SIGLEC5: variants seen among roughly 807,000 people sequenced by gnomAD.
The protein encoded by SIGLEC5 is sialic acid binding Ig like lectin 5, also known as sialic acid-binding Ig-like lectin 5.
A neutral mutation model predicts 45.9 loss-of-function variants in SIGLEC5; 34 were observed. That is an observed-to-expected ratio of 0.74 (90% CI 0.56 to 0.99). The LOEUF is 0.99. Ranked by LOEUF, SIGLEC5 falls within the 50% of genes least tolerant of loss-of-function variation. SIGLEC5 has a pLI of 0.00. For missense variants in SIGLEC5, 508 were observed against 629.6 expected (o/e 0.81, Z 2.07); for synonymous variants, 203 against 258.6 (o/e 0.79, Z 2.06).
At position 51,612,386 on chromosome 19, in the gene SIGLEC5, C is replaced by A; in HGVS notation, c.1501G>T (p.Asp501Tyr). Residue 501 changes from aspartate (D) to tyrosine (Y), a missense_variant, in exon 9 of 9, where the codon GAT becomes TAT. Coordinates refer to ENST00000683636, the MANE Select transcript of SIGLEC5 (RefSeq NM_003830.4). ...GCATCCCCAGGAGGAGATGCTTGAT[C>A]TCCGGGGCTGTCTGGCCAGGGCTTC... Reference protein sequence around the residue: ...RKKPWPDSPGDQASPPGDAPP... With the variant: ...RKKPWPDSPGYQASPPGDAPP... 1.9e-6 allele frequency: 3 copies of A among 1,613,048 alleles called. No individual in the cohort carries two copies. Among genetic ancestry groups the A allele is most frequent in the Non-Finnish European group, 2.5e-6 (3 of 1,179,540 alleles).
In SIGLEC5 at chr19:51,629,366, T is replaced by C. The variant is rs376678374; in HGVS notation, c.692A>G (p.Asn231Ser). The C allele has an allele frequency of 3.2e-5, 51 of 1,612,914 alleles. No homozygotes were observed. In the Admixed American group the frequency reaches 3.7e-4, roughly 12 times the overall value. Residue 231 changes from asparagine (N) to serine (S), a missense_variant, in exon 3 of 9, where the codon AAT becomes AGT. This residue lies in a region of SIGLEC5 where 431 missense variants were observed against 428.8 expected (regional missense o/e 1.01). Coordinates refer to ENST00000683636, the MANE Select transcript of SIGLEC5 (RefSeq NM_003830.4). ...TCCCCAGCACCACTCACAGGAGACATTGAGCTGGACAGTTCTCTCCGTGGT... is the reference window on the plus strand; with the variant it reads ...TCCCCAGCACCACTCACAGGAGACACTGAGCTGGACAGTTCTCTCCGTGGT... ...QVTTERTVQL[N>S]VSYAPQTITI... is the part of the protein sequence containing the mutation.
intron 7 of SIGLEC5, among the ~76,000 whole-genome samples, 164 bp downstream of exon 7, chr19:51,626,985 G>C (rs1983504656): frequency 6.6e-6 from 1 of 152,070 alleles, no homozygotes; most frequent in African/African-American, 2.4e-5. Context: ...GCTCACTGCA[G>C]CCTCAACCTC....
At chr19:51,626,178 T>C (rs958032493) in intron 7 of SIGLEC5, 65 bp from the exon 8 acceptor site, 3 of 1,303,056 alleles carry the variant, frequency 2.3e-6, no homozygotes, top group Non-Finnish European at 2.2e-6. Context: ...GGTTGTCCCA[T>C]CCCATGCTAA....
chr19:51,615,873 T>A (rs1983034930), intron 8 of SIGLEC5, among the ~76,000 whole-genome samples: 2 of 152,098 alleles, frequency 1.3e-5, no homozygotes, highest in South Asian at 2.1e-4. Flanking sequence ...ACCTCCCAGG[T>A]TCAAGAGATT....
chr19:51,629,389 G>T lies in SIGLEC5; in HGVS notation c.669C>A (p.Thr223=), dbSNP rs777969221. ...CQMKRQGAQV[T]TERTVQLNVS... Reference sequence around the variant, plus strand: ...CATTGAGCTGGACAGTTCTCTCCGTGGTCACCTGAGCTCCTTGGCGTTTCA... The same window carrying T: ...CATTGAGCTGGACAGTTCTCTCCGTTGTCACCTGAGCTCCTTGGCGTTTCA... Residue 223 remains threonine (T), a synonymous_variant, in exon 3 of 9, where the codon ACC becomes ACA. Coordinates refer to ENST00000683636, the MANE Select transcript of SIGLEC5 (RefSeq NM_003830.4). 6.2e-7 allele frequency: 1 copy of T among 1,613,854 alleles called. No individual in the cohort carries two copies. Among genetic ancestry groups the T allele is most frequent in the Non-Finnish European group, 8.5e-7 (1 of 1,180,000 alleles).
rs564894470 is a variant in SIGLEC5 at position 51,629,008 on chromosome 19, T to C, written c.739+30A>G. On this transcript the variant is annotated intron_variant, in intron 4 of 8. Coordinates refer to ENST00000683636, the MANE Select transcript of SIGLEC5 (RefSeq NM_003830.4). ...GCTCAGAGACAGACCCAGAGGCAGGTCCCAGCTTCAGAGAGGAGGTCTTTC... is the reference window on the plus strand; with the variant it reads ...GCTCAGAGACAGACCCAGAGGCAGGCCCCAGCTTCAGAGAGGAGGTCTTTC... 9.1e-4 allele frequency: 1,469 copies of C among 1,607,768 alleles called. 19 individuals carry two copies. The South Asian group carries it at 0.016, about 17-fold the overall frequency.
At position 51,618,153 on chromosome 19, in the gene SIGLEC5, C is replaced by T. The variant is rs528854383; in HGVS notation, c.1465-5731G>A. On this transcript the variant is annotated intron_variant, in intron 8 of 8. Coordinates refer to ENST00000683636, the MANE Select transcript of SIGLEC5 (RefSeq NM_003830.4). ...AAAATGAAATATTGAAAAAGTGGGA[C>T]TAAGTGAAAGTAAAAGGTAAAATAG... is the stretch of plus-strand genomic sequence containing the variant. Among the ~76,000 whole-genome samples, 5 of 151,672 alleles carry T rather than the reference C, an allele frequency of 3.3e-5. No homozygotes were observed. In the South Asian group the frequency reaches 1.0e-3, roughly 32 times the overall value.
chr19:51,612,609 G>T lies in SIGLEC5; in HGVS notation c.1465-187C>A, dbSNP rs188583845. On this transcript the variant is annotated intron_variant, in intron 8 of 8. Coordinates refer to ENST00000683636, the MANE Select transcript of SIGLEC5 (RefSeq NM_003830.4). ...CTCTACCTCCTCCCAGTTCCCCAAG[G>T]TGGTTAATCCAAATGTCTGCCTTAT... is the stretch of plus-strand genomic sequence containing the variant. Among the ~76,000 whole-genome samples the T allele has an allele frequency of 2.6e-5, 4 of 152,308 alleles. No individual in the cohort carries two copies. The East Asian group carries it at 7.7e-4, about 29-fold the overall frequency.
At chr19:51,617,660 C>T (rs915090274) in intron 8 of SIGLEC5, among the ~76,000 whole-genome samples, 2 of 151,972 alleles carry the variant, frequency 1.3e-5, no homozygotes, top group African/African-American at 4.8e-5. Flanking sequence ...TCTTCAGAAG[C>T]CTTGAGGAAC....
In SIGLEC5 at chr19:51,612,030, T is replaced by A; in HGVS notation, c.*201A>T. ...AATGGGAAACTGAGGCACAGAGGGA[T>A]GCAGTGAATTGCTTGATGACAGTGC... is the stretch of plus-strand genomic sequence containing the variant. On this transcript the variant is annotated 3_prime_UTR_variant, in exon 9 of 9. Transcript: ENST00000683636. 1 of 399,612 alleles carries A rather than the reference T, an allele frequency of 2.5e-6. No homozygotes were observed. The highest frequency in any genetic ancestry group is 4.5e-6 in the Non-Finnish European group (1 of 224,582). The allele number at this position is 399,612 out of a possible 1,614,324, so 24.8% of individuals were successfully genotyped here. A position where few individuals can be genotyped will look rare whatever the true frequency, so the allele number is the denominator to read the frequency against.
intron 8 of SIGLEC5, among the ~76,000 whole-genome samples, chr19:51,616,706 G>A (rs1480547072): frequency 2.6e-5 from 4 of 151,928 alleles, no homozygotes; most frequent in African/African-American, 9.7e-5. Context: ...GAGGTCAGGA[G>A]TTCAAGATCA....
chr19:51,628,375 C>T (rs551275627), intron 4 of SIGLEC5, among the ~76,000 whole-genome samples: 1 of 152,246 alleles, frequency 6.6e-6, no homozygotes, highest in South Asian at 2.1e-4. Context: ...GAAATACAGT[C>T]CGCTAATGTG....
chr19:51,625,577 C>G (rs1983446634), intron 8 of SIGLEC5, among the ~76,000 whole-genome samples: 1 of 152,188 alleles, frequency 6.6e-6, no homozygotes. Context: ...CGCCTGTAAT[C>G]CCAGCACTTT....
chr19:51,617,435 A>G (rs565684216), intron 8 of SIGLEC5, among the ~76,000 whole-genome samples: 1 of 152,282 alleles, frequency 6.6e-6, no homozygotes, highest in African/African-American at 2.4e-5. Flanking sequence ...AGAACCAAAG[A>G]GAAAATTATA....
chr19:51,627,970 G>A lies in SIGLEC5; in HGVS notation c.861C>T (p.Ala287=), dbSNP rs757174368. The change falls in exon 5 of 9, where the codon GCC becomes GCT. Residue 287 remains alanine (A), a synonymous_variant. Coordinates refer to ENST00000683636, the MANE Select transcript of SIGLEC5 (RefSeq NM_003830.4). ...AHLSWFQGSP[A]LNATPISNTG... is the part of the protein sequence containing the mutation. ...TATTGGAGATGGGGGTGGCGTTCAG[G>A]GCAGGGGAGCCCTGGAACCAGCTCA... The A allele has an allele frequency of 3.7e-6, 6 of 1,613,938 alleles. No individual in the cohort carries two copies. The highest frequency in any genetic ancestry group is 3.3e-5 in the Admixed American group (2 of 59,984).
chr19:51,628,826 CGTGT>C (rs888817069), intron 4 of SIGLEC5, among the ~76,000 whole-genome samples: 1 of 133,668 alleles, frequency 7.5e-6, no homozygotes, highest in South Asian at 2.4e-4. Context: ...TGTGTGTGTG[CGTGT>C]GTGTGTGCGT....
rs563746519 is a variant in SIGLEC5 at position 51,629,191 on chromosome 19, T to C, written c.701-115A>G. 6.6e-6 allele frequency: 10 copies of C among 1,522,040 alleles called. No homozygotes were observed. In the African/African-American group the frequency reaches 6.9e-5, roughly 10 times the overall value. 94.3% of individuals were successfully genotyped at this position (1,522,040 alleles called of 1,614,324 possible). A position where few individuals can be genotyped will look rare whatever the true frequency, so the allele number is the denominator to read the frequency against. ...CCACCAAGCGGGGAAGGCTGTCCTG[T>C]CTCACTCCCCGCAGATCCCAAGGCT... On this transcript the variant is annotated intron_variant, in intron 3 of 8. Coordinates refer to ENST00000683636, the MANE Select transcript of SIGLEC5 (RefSeq NM_003830.4).
Position 51,627,663 on chromosome 19 carries a change from G to A in SIGLEC5, c.1081C>T (p.Pro361Ser). Residue 361 changes from proline to serine, a missense_variant, in exon 6 of 9, where the codon CCC (proline) becomes TCC (serine). Around this residue, in one of 2 missense-constraint regions of SIGLEC5, gnomAD observed 431 missense variants for 428.8 expected, o/e 1.01. Coordinates refer to ENST00000683636, the MANE Select transcript of SIGLEC5 (RefSeq NM_003830.4). ...TCCTCAAGCCGCCAGCACAGGGAGGGGGCCGGCCGGGCTCGAAAGGAGCAT... is the reference window on the plus strand; with the variant it reads ...TCCTCAAGCCGCCAGCACAGGGAGGAGGCCGGCCGGGCTCGAAAGGAGCAT... ...CRCSFRARPAPSLCWRLEEKP... is the reference protein window; with the variant it reads ...CRCSFRARPASSLCWRLEEKP... 1 of 1,611,052 alleles carries A rather than the reference G, an allele frequency of 6.2e-7. No individual in the cohort carries two copies. Among genetic ancestry groups the A allele is most frequent in the Non-Finnish European group, 8.5e-7 (1 of 1,179,126 alleles).
chr19:51,627,296 C>T lies in SIGLEC5; in HGVS notation c.1283-48G>A, dbSNP rs778611283. The T allele has an allele frequency of 5.7e-6, 9 of 1,581,178 alleles. No homozygotes were observed. The South Asian group carries it at 6.7e-5, about 12-fold the overall frequency. On this transcript the variant is annotated intron_variant, in intron 6 of 8. Transcript: ENST00000683636. The stretch of plus-strand genomic sequence containing the variant: ...ATAACTCACTCCCAGGACTCAGACT[C>T]TTGTCCTCCCACCTGCTGGGCAACT...
Sources: gnomAD v4.1 joint callset for allele counts (sites outside exome capture counted in the v4.1 genomes callset) on GRCh38, gnomAD v4.1.1 for gene constraint, gnomAD v4.1.1 regional missense constraint, MANE v1.5 for transcripts, NCBI Gene and HGNC (gene_info 2026-07-23, HGNC 2026-07-21) for gene names.